ARID2: variants seen among roughly 807,000 people sequenced by gnomAD.
ARID2 encodes the protein AT-rich interaction domain 2.
In ARID2, 32 loss-of-function variants were observed where a neutral mutation model predicts 184.6. The ratio of observed to expected loss-of-function variants is 0.17; its 90% CI spans 0.13 to 0.23. ARID2 has a LOEUF of 0.23. Ranked by LOEUF, ARID2 falls within the 10% of genes least tolerant of loss-of-function variation. The pLI, the probability that ARID2 is intolerant of heterozygous loss-of-function variation, is 1.00. For missense variants in ARID2, 1,696 were observed against 2,197.6 expected (o/e 0.77, Z 4.56); for synonymous variants, 836 against 772.6 (o/e 1.08, Z -1.36).
At chr12:45,821,041 A>G (rs576830045) in intron 5 of ARID2, among the ~76,000 whole-genome samples, 116 of 152,286 alleles carry the variant, frequency 7.6e-4, no homozygotes, top group African/African-American at 2.7e-3. Context: ...TATTTCTGAA[A>G]TTAATATGAA....
Position 45,837,687 on chromosome 12 carries a change from C to T in ARID2, c.1310C>T (p.Ala437Val), listed in dbSNP as rs1273463290. The change falls in exon 10 of 21, where the codon GCA becomes GTA. Residue 437 changes from alanine (A) to valine (V), a missense_variant. Physicochemically the swap from Ala to Val is moderately conservative, Grantham distance 64. Around this residue, in one of 11 missense-constraint regions of ARID2, gnomAD observed 86 missense variants for 200.8 expected, o/e 0.43. Coordinates refer to ENST00000334344, the MANE Select transcript of ARID2 (RefSeq NM_152641.4). ...EMGDVACTKI[A>V]KVEKSIDMLV... ...GGAGATGTTGCTTGCACAAAAATTG[C>T]AAAAGTAGAAAAGAGCATAGGTAAG... The T allele has an allele frequency of 6.2e-7, 1 of 1,613,336 alleles. No homozygotes were observed. The highest frequency in any genetic ancestry group is 2.2e-5 in the East Asian group (1 of 44,858).
Position 45,871,377 on chromosome 12 carries a change from A to G in ARID2, c.4922+10428A>G, listed in dbSNP as rs779859488. On this transcript the variant is annotated intron_variant, in intron 16 of 20. Transcript: ENST00000334344. ...CTGCGTCTATTGCTATGATCATATG[A>G]TTTTTATTTTTTGTCTTGTGAATGT... 2.7e-4 allele frequency among the ~76,000 whole-genome samples: 41 copies of G among 151,968 alleles called. 2 individuals carry two copies. The highest frequency in any genetic ancestry group is 5.9e-5 in the Non-Finnish European group (4 of 67,956).
chr12:45,900,342 T>A (rs2136469245), intron 20 of ARID2, among the ~76,000 whole-genome samples: 1 of 152,310 alleles, frequency 6.6e-6, no homozygotes, highest in East Asian at 1.9e-4. Context: ...ATTACAGGTG[T>A]GAGCCACCAT....
intron 3 of ARID2, among the ~76,000 whole-genome samples, chr12:45,793,709 A>G (rs1231464123): frequency 1.3e-5 from 2 of 151,780 alleles, no homozygotes; most frequent in African/African-American, 4.8e-5. Context: ...ACACACATAT[A>G]TATCTCAGCA....
intron 11 of ARID2, 178 bp downstream of exon 11, chr12:45,839,674 C>A: frequency 1.7e-6 from 1 of 584,570 alleles, no homozygotes; most frequent in Non-Finnish European, 2.7e-6. Flanking sequence ...GTAGCAGGAT[C>A]AAGGTGAGCT....
chr12:45,766,715 C>T (rs1243529049), intron 3 of ARID2, among the ~76,000 whole-genome samples: 4 of 151,680 alleles, frequency 2.6e-5, no homozygotes, highest in Admixed American at 6.6e-5. Flanking sequence ...AGGGTTTCAC[C>T]GTGTTAGCCA....
intron 20 of ARID2, chr12:45,904,319 A>T: frequency 1.4e-6 from 1 of 716,010 alleles, no homozygotes; most frequent in Non-Finnish European, 2.6e-6. Flanking sequence ...CTGTTTTCTG[A>T]CACCATTTTC....
chr12:45,897,102 A>G (rs1430850508), intron 20 of ARID2, among the ~76,000 whole-genome samples: 1 of 152,248 alleles, frequency 6.6e-6, no homozygotes, highest in East Asian at 1.9e-4. Context: ...ATGGAATAGA[A>G]GAGAGGGCCC....
At chr12:45,801,049 AC>A (rs1311998452) in intron 3 of ARID2, among the ~76,000 whole-genome samples, 1 of 152,220 alleles carries the variant, frequency 6.6e-6, no homozygotes, top group African/African-American at 2.4e-5. Flanking sequence ...TTACTTTCTC[AC>A]GCCTGTAATC....
At chr12:45,892,786 A>G (rs1247896587) in intron 18 of ARID2, among the ~76,000 whole-genome samples, 1 of 152,130 alleles carries the variant, frequency 6.6e-6, no homozygotes, top group Admixed American at 6.5e-5. Context: ...CAGTAGTTTG[A>G]ATCTTATTTT....
rs189196495 is a variant in ARID2, at chr12:45,782,120, A to G, written c.285-29298A>G. On this transcript the variant is annotated intron_variant, in intron 3 of 20. Coordinates refer to ENST00000334344, the MANE Select transcript of ARID2 (RefSeq NM_152641.4). ...AAAAGAGAGTAGATTTAAAAAGATGACTTGTGAGAAGGGCTATAAATTGAA... is the reference window on the plus strand; with the variant it reads ...AAAAGAGAGTAGATTTAAAAAGATGGCTTGTGAGAAGGGCTATAAATTGAA... 2.7e-3 allele frequency among the ~76,000 whole-genome samples: 409 copies of G among 152,278 alleles called. 3 individuals carry two copies. Among genetic ancestry groups the G allele is most frequent in the African/African-American group, 8.0e-3 (332 of 41,562 alleles).
intron 3 of ARID2, among the ~76,000 whole-genome samples, chr12:45,801,294 AG>A (rs1942496881): frequency 6.6e-6 from 1 of 151,704 alleles, no homozygotes; most frequent in Admixed American, 6.6e-5. Flanking sequence ...CCTGGGCAAA[AG>A]AGTGAGACTC....
rs2138173830 is a variant in ARID2 at position 45,851,806 on chromosome 12, C to A, written c.3683C>A (p.Ser1228Ter). The A allele has an allele frequency of 1.2e-6, 2 of 1,614,148 alleles. No individual in the cohort carries two copies. Among genetic ancestry groups the A allele is most frequent in the South Asian group, 1.1e-5 (1 of 91,086 alleles). The change falls in exon 15 of 21, where the codon TCA becomes TAA. Residue 1228 changes from serine (S) to a stop codon, truncating the protein, a stop_gained. Transcript: ENST00000334344. LOFTEE classifies it high-confidence loss of function. Reference sequence around the variant, plus strand: ...ACTCAAGCATCTCCTGCTGGACAATCATCATGTACTACTGCTACTCCCCCA... The same window carrying A: ...ACTCAAGCATCTCCTGCTGGACAATAATCATGTACTACTGCTACTCCCCCA... ...PATQASPAGQ[S>*]SCTTATPPFK... is the part of the protein sequence containing the mutation.
intron 20 of ARID2, among the ~76,000 whole-genome samples, chr12:45,899,340 C>G (rs996694835): frequency 2.7e-5 from 4 of 146,372 alleles, no homozygotes; most frequent in African/African-American, 1.0e-4. Context: ...CGTGGTGGCT[C>G]ACACCTGTAA....
At chr12:45,893,594 T>A (rs1432888275) in intron 19 of ARID2, 36 bp from the exon 20 acceptor site, 8 of 1,604,496 alleles carry the variant, frequency 5.0e-6, no homozygotes, top group Non-Finnish European at 6.8e-6. Flanking sequence ...CCTGTATGAT[T>A]TAGATCTTTA....
chr12:45,901,775 C>T (rs930445205), intron 20 of ARID2, among the ~76,000 whole-genome samples: 7 of 152,040 alleles, frequency 4.6e-5, no homozygotes, highest in African/African-American at 1.7e-4. Flanking sequence ...GATCCTCCCA[C>T]CTTAGCCTCC....
At chr12:45,844,623 T>TAC (rs1417673223) in intron 11 of ARID2, among the ~76,000 whole-genome samples, 1 of 152,238 alleles carries the variant, frequency 6.6e-6, no homozygotes, top group Non-Finnish European at 1.5e-5. Flanking sequence ...TGTTCCACGT[T>TAC]ACACTATAAC....
intron 3 of ARID2, among the ~76,000 whole-genome samples, chr12:45,755,235 GTTAT>G (rs1024043328): frequency 1.3e-5 from 2 of 152,134 alleles, no homozygotes; most frequent in Non-Finnish European, 2.9e-5. Context: ...TTTTGTAGTT[GTTAT>G]TTGTTTGTTT....
At position 45,905,751 on chromosome 12, in the gene ARID2, C is replaced by T. The variant is rs553077552; in HGVS notation, c.*673C>T. On this transcript the variant is annotated 3_prime_UTR_variant, in exon 21 of 21. Transcript: ENST00000334344. Reference sequence around the variant, plus strand: ...CCACTGCAGCCACTGGAAATACATTCTGTGGTGTCCTAGAAGCATTATTGG... The same window carrying T: ...CCACTGCAGCCACTGGAAATACATTTTGTGGTGTCCTAGAAGCATTATTGG... 3.0e-5 allele frequency: 7 copies of T among 232,898 alleles called. No homozygotes were observed. Among genetic ancestry groups the T allele is most frequent in the Middle Eastern group, 1.3e-3 (1 of 784 alleles). 14.4% of individuals were successfully genotyped at this position (232,898 alleles called of 1,614,324 possible).
Sources: allele counts gnomAD v4.1 joint callset (sites outside exome capture counted in the v4.1 genomes callset), GRCh38; gene constraint gnomAD v4.1.1; regional missense constraint gnomAD v4.1.1; transcripts MANE v1.5; gene names NCBI Gene and HGNC (gene_info 2026-07-23, HGNC 2026-07-21).